Variants in NIPAL2 observed in about 807,000 individuals in gnomAD.
NIPAL2 encodes NIPA-like protein 2.
In NIPAL2, 43 loss-of-function variants were observed where a neutral mutation model predicts 48.9. That is an observed-to-expected ratio of 0.88 (90% CI 0.69 to 1.13). The LOEUF is 1.13. Among genes scored for constraint, NIPAL2 ranks in the 50% most tolerant of loss-of-function variants. NIPAL2 has a pLI of 0.00. For synonymous variants in NIPAL2, 167 were observed against 174.6 expected, an observed-to-expected ratio of 0.96 and a Z score of 0.34; for missense variants, 446 against 461.4, an observed-to-expected ratio of 0.97 and a Z score of 0.31.
In NIPAL2 at chr8:98,222,566, C is replaced by T. The variant is rs1458820000; in HGVS notation, c.471G>A (p.Leu157=). ...TTLAFAGTYL[L]VNFAPNITQA... The stretch of plus-strand genomic sequence containing the variant: ...GAGTTATATTTGGAGCAAAGTTCAC[C>T]AGTAAATATGTTCCTGCAAATGCCA... Residue 157 remains leucine (L), a synonymous_variant, in exon 5 of 11, where the codon CTG becomes CTA. Coordinates refer to ENST00000430223, the MANE Select transcript of NIPAL2 (RefSeq NM_001321635.2). The T allele has an allele frequency of 1.4e-5, 22 of 1,613,898 alleles. No individual in the cohort carries two copies. Among genetic ancestry groups the T allele is most frequent in the Non-Finnish European group, 1.9e-5 (22 of 1,179,918 alleles).
intron 8 of NIPAL2, among the ~76,000 whole-genome samples, chr8:98,197,398 T>C (rs1810600369): frequency 6.6e-6 from 1 of 152,228 alleles, no homozygotes; most frequent in South Asian, 2.1e-4. Flanking sequence ...GTAGGGACTT[T>C]CCTCAGTGTT....
At chr8:98,264,653 A>G (rs1338047521) in intron 1 of NIPAL2, among the ~76,000 whole-genome samples, 8 of 150,552 alleles carry the variant, frequency 5.3e-5, no homozygotes, top group South Asian at 4.3e-4. Context: ...ATGGAAGAAC[A>G]TTCCATGCTC....
At chr8:98,223,689 G>A (rs879843562) in intron 4 of NIPAL2, among the ~76,000 whole-genome samples, 8 of 152,076 alleles carry the variant, frequency 5.3e-5, no homozygotes, top group South Asian at 4.1e-4. Context: ...TTGATTTTTC[G>A]CAAAAGCTAG....
intron 1 of NIPAL2, among the ~76,000 whole-genome samples, chr8:98,255,067 C>A (rs1035305472): frequency 6.6e-6 from 1 of 151,196 alleles, no homozygotes; most frequent in Admixed American, 6.6e-5. Flanking sequence ...ATTGGGTCTT[C>A]TGCTTCTTTC....
chr8:98,228,091 C>T (rs1025937768), intron 4 of NIPAL2, among the ~76,000 whole-genome samples: 10 of 152,190 alleles, frequency 6.6e-5, no homozygotes, highest in African/African-American at 2.4e-4. Flanking sequence ...GCCACTTGGC[C>T]ACTGCTGGAG....
intron 5 of NIPAL2, among the ~76,000 whole-genome samples, chr8:98,214,563 CT>C (rs11421143): frequency 1.4e-4 from 21 of 149,218 alleles, no homozygotes; most frequent in African/African-American, 1.7e-4. Flanking sequence ...AATTTTTTTT[CT>C]TTTTTTTTTA....
intron 1 of NIPAL2, among the ~76,000 whole-genome samples, chr8:98,292,812 A>T (rs1333127105): frequency 6.6e-6 from 1 of 151,844 alleles, no homozygotes; most frequent in Non-Finnish European, 1.5e-5. Flanking sequence ...GAATAATATA[A>T]TAGATAGATT....
chr8:98,208,887 T>C (rs1324076259), intron 6 of NIPAL2, among the ~76,000 whole-genome samples: 6 of 152,194 alleles, frequency 3.9e-5, no homozygotes, highest in South Asian at 2.1e-4. Context: ...AGCAATATCA[T>C]GTACTTTGTT....
chr8:98,193,169 C>T, intron 10 of NIPAL2, 79 bp from the exon 11 acceptor site: 1 of 1,227,892 alleles, frequency 8.1e-7, no homozygotes, highest in African/African-American at 1.5e-5. Flanking sequence ...TCAATCTAGG[C>T]CACATTTTAT....
At chr8:98,216,736 T>C (rs1811596044) in intron 5 of NIPAL2, among the ~76,000 whole-genome samples, 1 of 152,204 alleles carries the variant, frequency 6.6e-6, no homozygotes, top group African/African-American at 2.4e-5. Flanking sequence ...AGAGGTTCCA[T>C]TTGAATAATC....
chr8:98,281,783 G>T (rs966008700), intron 1 of NIPAL2, among the ~76,000 whole-genome samples: 2 of 152,228 alleles, frequency 1.3e-5, no homozygotes, highest in Non-Finnish European at 2.9e-5. Flanking sequence ...AATCTGTCTA[G>T]GGTAGGGACT....
intron 1 of NIPAL2, among the ~76,000 whole-genome samples, chr8:98,287,380 C>G (rs999329466): frequency 5.3e-5 from 8 of 152,086 alleles, no homozygotes; most frequent in African/African-American, 1.9e-4. Flanking sequence ...GAAAATGACT[C>G]TCATTAGGAA....
chr8:98,240,275 G>C (rs1812917890), intron 3 of NIPAL2, among the ~76,000 whole-genome samples: 1 of 152,174 alleles, frequency 6.6e-6, no homozygotes, highest in Non-Finnish European at 1.5e-5. Context: ...TGGGTCTACA[G>C]AGAGTGCTCA....
intron 6 of NIPAL2, among the ~76,000 whole-genome samples, chr8:98,212,172 C>A (rs1387186687): frequency 6.6e-6 from 1 of 151,936 alleles, no homozygotes; most frequent in Non-Finnish European, 1.5e-5. Flanking sequence ...ATAAAGTTAT[C>A]AAGAAGCAAA....
At position 98,192,749 on chromosome 8, in the gene NIPAL2, G is replaced by A. The variant is rs1237321625; in HGVS notation, c.*229C>T. On this transcript the variant is annotated 3_prime_UTR_variant, in exon 11 of 11. Coordinates refer to ENST00000430223, the MANE Select transcript of NIPAL2 (RefSeq NM_001321635.2). ...GTGTAGCTGGCTAGATAATCACTAG[G>A]GAGAGGTCCAGGGTGTGGGGAACAC... is the stretch of plus-strand genomic sequence containing the variant. 1.8e-6 allele frequency: 1 copy of A among 541,780 alleles called. No homozygotes were observed. The highest frequency in any genetic ancestry group is 3.0e-5 in the East Asian group (1 of 33,770). The allele number at this position is 541,780 out of a possible 1,614,324, so 33.6% of individuals were successfully genotyped here.
intron 3 of NIPAL2, among the ~76,000 whole-genome samples, chr8:98,241,226 C>A (rs1812964335): frequency 6.6e-6 from 1 of 152,162 alleles, no homozygotes; most frequent in African/African-American, 2.4e-5. Context: ...CACCAGTATG[C>A]AAAGAAACAC....
At chr8:98,234,490 A>T (rs1298992760) in intron 4 of NIPAL2, among the ~76,000 whole-genome samples, 1 of 152,212 alleles carries the variant, frequency 6.6e-6, no homozygotes, top group Non-Finnish European at 1.5e-5. Flanking sequence ...CACTTGATAA[A>T]TGAGAAAAAT....
intron 6 of NIPAL2, among the ~76,000 whole-genome samples, chr8:98,207,152 G>A (rs1811080101): frequency 6.6e-6 from 1 of 152,258 alleles, no homozygotes; most frequent in East Asian, 1.9e-4. Flanking sequence ...GGAGTTGAAC[G>A]TACTGTTCCA....
At chr8:98,204,374 T>C (rs1025936098) in intron 7 of NIPAL2, among the ~76,000 whole-genome samples, 3 of 152,126 alleles carry the variant, frequency 2.0e-5, no homozygotes, top group African/African-American at 7.2e-5. Context: ...TGTACTGATT[T>C]TGAGCTCTGA....
Sources: allele counts gnomAD v4.1 joint callset (sites outside exome capture counted in the v4.1 genomes callset), GRCh38; gene constraint gnomAD v4.1.1; transcripts MANE v1.5; gene names NCBI Gene and HGNC (gene_info 2026-07-23, HGNC 2026-07-21).